DNAH14: variants seen among roughly 807,000 people sequenced by gnomAD.
The protein encoded by DNAH14 is dynein axonemal heavy chain 14.
In DNAH14, 478 loss-of-function variants were observed where a neutral mutation model predicts 520.9. That is an observed-to-expected ratio of 0.92 (90% confidence interval 0.85 to 0.99). The LOEUF (loss-of-function observed/expected upper bound fraction) is 0.99, where lower values mean the gene tolerates loss of function less well. DNAH14 is among the 50% of genes least tolerant of loss of function. The pLI is 0.00. For missense variants in DNAH14, 4,831 were observed against 5,234.5 expected (o/e 0.92, Z 2.38); for synonymous variants, 1,581 against 1,757.2 (o/e 0.90, Z 2.51).
chr1:225,215,872 A>G (rs1164575833), intron 41 of DNAH14, among the ~76,000 whole-genome samples: 8 of 152,166 alleles, frequency 5.3e-5, no homozygotes, highest in Non-Finnish European at 5.9e-5. Flanking sequence ...CTGTCTTTTA[A>G]TTCAAGCATT....
At chr1:225,248,995 T>A (rs1272153098) in intron 43 of DNAH14, among the ~76,000 whole-genome samples, 1 of 152,238 alleles carries the variant, frequency 6.6e-6, no homozygotes, top group Non-Finnish European at 1.5e-5. Flanking sequence ...CCTGGGTGCA[T>A]AATCAGAATG....
intron 81 of DNAH14, among the ~76,000 whole-genome samples, chr1:225,387,999 G>C (rs917610034): frequency 1.3e-5 from 2 of 152,120 alleles, no homozygotes; most frequent in Non-Finnish European, 2.9e-5. Context: ...GGAGTAGACA[G>C]TGGGTGGCAT....
intron 60 of DNAH14, among the ~76,000 whole-genome samples, chr1:225,315,671 G>A (rs957190539): frequency 3.3e-5 from 5 of 152,150 alleles, no homozygotes; most frequent in Admixed American, 2.6e-4. Context: ...CTTTCTGTTT[G>A]TTAGTTTTAC....
At chr1:225,398,911 T>G (rs1204644485) in intron 85 of DNAH14, 143 bp from the exon 86 acceptor site, 1 of 838,362 alleles carries the variant, frequency 1.2e-6, no homozygotes, top group South Asian at 1.9e-5. Flanking sequence ...CAGGTATAAT[T>G]TCCACATGCT....
chr1:225,208,002 T>G (rs186921834), intron 41 of DNAH14, among the ~76,000 whole-genome samples: 18 of 152,308 alleles, frequency 1.2e-4, no homozygotes, highest in Non-Finnish European at 1.5e-5. Flanking sequence ...CAAAATGTCC[T>G]ATTGGCAGGG....
At chr1:225,142,305 C>T (rs1376447905) in intron 28 of DNAH14, among the ~76,000 whole-genome samples, 1 of 152,148 alleles carries the variant, frequency 6.6e-6, no homozygotes, top group Admixed American at 6.5e-5. Flanking sequence ...AATTGTGTGT[C>T]AAGGTACCCT....
At chr1:225,082,486 A>T (rs1390199855) in intron 19 of DNAH14, 63 bp from the exon 20 acceptor site, 1 of 1,267,018 alleles carries the variant, frequency 7.9e-7, no homozygotes, top group Non-Finnish European at 1.0e-6. Context: ...TATTTTCTCA[A>T]TTTTTTTGGT....
chr1:225,106,961 TAG>T (rs2076112110), intron 23 of DNAH14, among the ~76,000 whole-genome samples: 1 of 152,256 alleles, frequency 6.6e-6, no homozygotes, highest in Admixed American at 6.5e-5. Flanking sequence ...CTCTGATTTT[TAG>T]AGTTTCCATT....
At chr1:225,188,322 TATC>T (rs1242105651) in intron 37 of DNAH14, among the ~76,000 whole-genome samples, 3 of 152,048 alleles carry the variant, frequency 2.0e-5, no homozygotes, top group East Asian at 3.9e-4. Context: ...CATTTTATCA[TATC>T]ATCATCACAA....
At chr1:225,124,662 T>A (rs563652278) in intron 27 of DNAH14, among the ~76,000 whole-genome samples, 1 of 152,298 alleles carries the variant, frequency 6.6e-6, no homozygotes, top group East Asian at 1.9e-4. Flanking sequence ...TCCACTGAAG[T>A]CTTGAACCCC....
chr1:225,270,113 AC>A (rs2093268331), intron 49 of DNAH14, among the ~76,000 whole-genome samples: 1 of 152,192 alleles, frequency 6.6e-6, no homozygotes, highest in African/African-American at 2.4e-5. Context: ...AAAATATGGC[AC>A]ATATACACCA....
In DNAH14 at chr1:224,970,579, G is replaced by A. The variant is rs532382287; in HGVS notation, c.767+1705G>A. Reference sequence around the variant, plus strand: ...CCTGCCGACATGTGATGTCTGCCCCGGACACCCAGCTTTAAAATTTCTCTC... The same window carrying A: ...CCTGCCGACATGTGATGTCTGCCCCAGACACCCAGCTTTAAAATTTCTCTC... On this transcript the variant is annotated intron_variant, in intron 7 of 85. Transcript: ENST00000682510. 2.6e-4 allele frequency among the ~76,000 whole-genome samples: 39 copies of A among 152,116 alleles called. 1 individual carries two copies. The highest frequency in any genetic ancestry group is 6.8e-3 in the Middle Eastern group (2 of 294).
At chr1:224,963,001 G>A (rs1243830220) in intron 4 of DNAH14, among the ~76,000 whole-genome samples, 2 of 152,062 alleles carry the variant, frequency 1.3e-5, no homozygotes, top group African/African-American at 2.4e-5. Flanking sequence ...CAGTCTGAGT[G>A]AGATATGTGT....
At chr1:225,259,280 A>AT in intron 46 of DNAH14, 27 bp downstream of exon 46, 2 of 1,337,122 alleles carry the variant, frequency 1.5e-6, no homozygotes, top group Non-Finnish European at 2.0e-6. Flanking sequence ...TCTAAATTTG[A>AT]TTTGTCTGAT....
intron 21 of DNAH14, among the ~76,000 whole-genome samples, chr1:225,087,676 G>A (rs546488079): frequency 6.6e-6 from 1 of 152,316 alleles, no homozygotes; most frequent in East Asian, 1.9e-4. Flanking sequence ...CTTCTGATAT[G>A]AGGAGATGAT....
intron 30 of DNAH14, 100 bp from the exon 31 acceptor site, chr1:225,147,004 G>T: frequency 2.1e-6 from 2 of 962,800 alleles, no homozygotes; most frequent in Non-Finnish European, 2.9e-6. Flanking sequence ...CCTTTGCTTG[G>T]TTTGGGTAGC....
At chr1:225,379,225 T>C (rs1414564543) in intron 79 of DNAH14, among the ~76,000 whole-genome samples, 1 of 152,228 alleles carries the variant, frequency 6.6e-6, no homozygotes, top group African/African-American at 2.4e-5. Context: ...CTCTGTTTAG[T>C]TGCCTCCTCT....
chr1:225,199,260 T>G (rs1444120156), intron 38 of DNAH14, among the ~76,000 whole-genome samples: 20 of 152,166 alleles, frequency 1.3e-4, no homozygotes, highest in Admixed American at 1.3e-3. Context: ...TTTCTAATGG[T>G]CTATCAATTT....
intron 35 of DNAH14, among the ~76,000 whole-genome samples, chr1:225,167,346 A>G (rs1361429074): frequency 1.3e-5 from 2 of 152,278 alleles, no homozygotes; most frequent in African/African-American, 4.8e-5. Flanking sequence ...TTCTATCTAC[A>G]GTGAAATAAA....
Sources: gnomAD v4.1 joint callset for allele counts (sites outside exome capture counted in the v4.1 genomes callset) on GRCh38, gnomAD v4.1.1 for gene constraint, MANE v1.5 for transcripts, NCBI Gene and HGNC (gene_info 2026-07-23, HGNC 2026-07-21) for gene names.